Variants in SRRM4 observed in about 807,000 individuals in gnomAD.
The protein encoded by SRRM4 is serine/arginine repetitive matrix 4, also known as serine/arginine repetitive matrix protein 4.
In SRRM4, 33 loss-of-function variants were observed where a neutral mutation model predicts 68.9. The ratio of observed to expected loss-of-function variants is 0.48; its 90% confidence interval spans 0.36 to 0.64. The LOEUF (loss-of-function observed/expected upper bound fraction) is 0.64. Ranked by LOEUF, SRRM4 falls within the 30% of genes least tolerant of loss-of-function variation. The pLI, the probability that SRRM4 is intolerant of heterozygous loss-of-function variation, is 0.00. For missense variants in SRRM4, 817 were observed against 827.1 expected, an observed-to-expected ratio of 0.99 and a Z score of 0.15; for synonymous variants, 318 against 318.8, an observed-to-expected ratio of 1.00 and a Z score of 0.03.
Position 119,160,217 on chromosome 12 carries a change from G to C in SRRM4, c.*3419G>C, listed in dbSNP as rs1344053878. 6.6e-6 allele frequency: 1 copy of C among 151,860 alleles called. No homozygotes were observed. The highest frequency in any genetic ancestry group is 1.9e-4 in the East Asian group (1 of 5,180). The allele number at this position is 151,860 out of a possible 1,614,324, so 9.4% of individuals were successfully genotyped here. ...TTTCCTGGGTGAAGTTTACAAGAAG[G>C]CTGCTTAAATGCCTGCTTCGGGGAA... On this transcript the variant is annotated 3_prime_UTR_variant, in exon 13 of 13. Transcript: ENST00000267260.
At chr12:119,133,501 G>A (rs1201235349) in intron 8 of SRRM4, among the ~76,000 whole-genome samples, 1 of 152,138 alleles carries the variant, frequency 6.6e-6, no homozygotes, top group Non-Finnish European at 1.5e-5. Flanking sequence ...AGCTCACATG[G>A]CTACTCTGCC....
At chr12:119,130,568 C>T in intron 7 of SRRM4, 110 bp from the exon 8 acceptor site, 4 of 1,096,146 alleles carry the variant, frequency 3.6e-6, no homozygotes, top group Non-Finnish European at 3.8e-6. Context: ...TGAACATATA[C>T]AAACACCCCC....
At chr12:119,107,128 G>A (rs7966496) in intron 2 of SRRM4, among the ~76,000 whole-genome samples, 2,546 of 152,238 alleles carry the variant, frequency 0.017, 72 homozygotes, top group African/African-American at 0.059. Context: ...ATTTGCATAT[G>A]TTGAACCAGC....
Position 119,122,114 on chromosome 12 carries a change from A to G in SRRM4, c.509A>G (p.Lys170Arg), listed in dbSNP as rs760023472. Residue 170 changes from lysine to arginine, a missense_variant, in exon 6 of 13, where the codon AAG becomes AGG. Transcript: ENST00000267260. ...KSKRRDEKRH[K>R]KQSRSRPRKS... The stretch of plus-strand genomic sequence containing the variant: ...AAAAGAAGAGATGAGAAGAGGCACA[A>G]GAAACAGTAAGTAGATACTACCTGG... 1.2e-6 allele frequency: 2 copies of G among 1,608,054 alleles called. No homozygotes were observed. Among genetic ancestry groups the G allele is most frequent in the Non-Finnish European group, 1.7e-6 (2 of 1,174,460 alleles).
intron 1 of SRRM4, among the ~76,000 whole-genome samples, chr12:119,034,311 C>A (rs943876030): frequency 4.6e-5 from 7 of 152,194 alleles, no homozygotes; most frequent in Non-Finnish European, 7.3e-5. Flanking sequence ...TCAGTGGGAA[C>A]AGACTCTGGA....
At chr12:119,022,550 A>T (rs917853380) in intron 1 of SRRM4, among the ~76,000 whole-genome samples, 6 of 152,216 alleles carry the variant, frequency 3.9e-5, no homozygotes, top group African/African-American at 9.6e-5. Flanking sequence ...TGTCTACCTG[A>T]TGTGAAGGAA....
chr12:119,128,458 C>T (rs1954274271), intron 7 of SRRM4, among the ~76,000 whole-genome samples: 1 of 152,206 alleles, frequency 6.6e-6, no homozygotes, highest in South Asian at 2.1e-4. Flanking sequence ...ATCACCAGCC[C>T]AAAGCCTATA....
chr12:119,115,876 AT>A lies in SRRM4; in HGVS notation c.366-1051del, dbSNP rs982037292. Among the ~76,000 whole-genome samples, 12 of 150,134 alleles carry A rather than the reference AT, an allele frequency of 8.0e-5. 1 individual carries two copies. Among genetic ancestry groups the A allele is most frequent in the East Asian group, 2.0e-4 (1 of 5,122 alleles). On this transcript the variant is annotated intron_variant, in intron 3 of 12. Coordinates refer to ENST00000267260, the MANE Select transcript of SRRM4 (RefSeq NM_194286.4). ...TTTGTTTGACCTGCAAAGTGATTTG[AT>A]TTTTTTTTTAATTGGTGGTCAACAT...
chr12:119,137,598 G>C (rs950235264), intron 8 of SRRM4, among the ~76,000 whole-genome samples: 3 of 28,568 alleles, frequency 1.1e-4, no homozygotes, highest in Non-Finnish European at 3.9e-4. Context: ...GAGAGAGAGA[G>C]AGAGAGAGAG....
At chr12:118,998,152 T>A (rs1363821484) in intron 1 of SRRM4, among the ~76,000 whole-genome samples, 1 of 151,606 alleles carries the variant, frequency 6.6e-6, no homozygotes, top group Non-Finnish European at 1.5e-5. Context: ...CGTAGCTTGG[T>A]CTCTGAGGAG....
At chr12:119,086,008 A>G (rs1324956333) in intron 1 of SRRM4, among the ~76,000 whole-genome samples, 1 of 152,130 alleles carries the variant, frequency 6.6e-6, no homozygotes, top group Non-Finnish European at 1.5e-5. Flanking sequence ...AGGTAGAAAG[A>G]ACACTCAAGC....
chr12:119,121,385 C>T (rs938204142), intron 5 of SRRM4, among the ~76,000 whole-genome samples: 1 of 152,164 alleles, frequency 6.6e-6, no homozygotes, highest in Non-Finnish European at 1.5e-5. Context: ...TACACTGAGA[C>T]CCCAAGTCAT....
chr12:119,099,943 A>G (rs748851257), intron 1 of SRRM4, among the ~76,000 whole-genome samples: 1 of 152,216 alleles, frequency 6.6e-6, no homozygotes, highest in South Asian at 2.1e-4. Flanking sequence ...TTTTCATTGA[A>G]TGTGAGTCAC....
chr12:119,127,946 C>A (rs1954271643), intron 7 of SRRM4, among the ~76,000 whole-genome samples: 1 of 152,154 alleles, frequency 6.6e-6, no homozygotes, highest in Admixed American at 6.5e-5. Flanking sequence ...TTTTCAATCA[C>A]TTGGGAAGTT....
intron 1 of SRRM4, among the ~76,000 whole-genome samples, chr12:119,054,644 C>G (rs1456323662): frequency 6.6e-6 from 1 of 152,076 alleles, no homozygotes; most frequent in African/African-American, 2.4e-5. Context: ...AAAGCTGGAT[C>G]CAATAATAAA....
intron 1 of SRRM4, among the ~76,000 whole-genome samples, chr12:119,028,427 A>G (rs1019707586): frequency 6.6e-6 from 1 of 152,064 alleles, no homozygotes; most frequent in East Asian, 1.9e-4. Flanking sequence ...GCCTCACAAG[A>G]TCTGATGGTT....
intron 1 of SRRM4, among the ~76,000 whole-genome samples, chr12:119,025,428 GTT>G (rs74903455): frequency 3.4e-5 from 5 of 148,580 alleles, no homozygotes; most frequent in South Asian, 4.3e-4. Flanking sequence ...CATATATGGA[GTT>G]TTTTTTTTTG....
chr12:119,116,817 C>A, intron 3 of SRRM4, 120 bp from the exon 4 acceptor site: 2 of 695,004 alleles, frequency 2.9e-6, no homozygotes, highest in Non-Finnish European at 2.4e-6. Context: ...TGGATATTAT[C>A]TTTGATGTGT....
Position 119,033,331 on chromosome 12 carries a change from T to C in SRRM4, c.131+51318T>C, listed in dbSNP as rs149152161. On this transcript the variant is annotated intron_variant, in intron 1 of 12. Transcript: ENST00000267260. Reference sequence around the variant, plus strand: ...GTTTTAAATAAAACCCTAGAGATTATGTTATTTCACCCCTACACACCTCAG... The same window carrying C: ...GTTTTAAATAAAACCCTAGAGATTACGTTATTTCACCCCTACACACCTCAG... Among the ~76,000 whole-genome samples the C allele has an allele frequency of 3.1e-3, 470 of 152,304 alleles. 12 individuals are homozygous for C. In the East Asian group the frequency reaches 0.044, roughly 14 times the overall value.
Sources: gnomAD v4.1 joint callset for allele counts (sites outside exome capture counted in the v4.1 genomes callset) on GRCh38, gnomAD v4.1.1 for gene constraint, MANE v1.5 for transcripts, NCBI Gene and HGNC (gene_info 2026-07-23, HGNC 2026-07-21) for gene names.